Variants in MMP26 observed in about 807,000 individuals in gnomAD.
The protein encoded by MMP26 is matrix metalloproteinase-26.
In MMP26, 33 loss-of-function variants were observed where a neutral mutation model predicts 31.0. The observed-to-expected ratio is 1.06, with a 90% confidence interval of 0.81 to 1.42. The LOEUF (loss-of-function observed/expected upper bound fraction) is 1.42, where lower values mean the gene tolerates loss of function less well. Among genes scored for constraint, MMP26 ranks in the 40% most tolerant of loss-of-function variants. The pLI, the probability that MMP26 is intolerant of heterozygous loss-of-function variation, is 0.00. For missense variants in MMP26, 347 were observed against 316.1 expected (o/e 1.10, Z -0.74); for synonymous variants, 122 against 114.9 (o/e 1.06, Z -0.40).
intron 1 of MMP26, among the ~76,000 whole-genome samples, chr11:4,733,315 A>G (rs780047511): frequency 7.9e-5 from 12 of 152,196 alleles, no homozygotes; most frequent in Non-Finnish European, 1.6e-4. Flanking sequence ...TACATTTATA[A>G]CACGTTGTTC....
intron 2 of MMP26, among the ~76,000 whole-genome samples, chr11:4,827,234 G>A (rs1303577945): frequency 6.6e-6 from 1 of 152,152 alleles, no homozygotes. Context: ...ATCCTGGAGA[G>A]CTTGTAGGTT....
chr11:4,974,321 T>C (rs1384218714), intron 2 of MMP26, among the ~76,000 whole-genome samples: 1 of 151,752 alleles, frequency 6.6e-6, no homozygotes, highest in Admixed American at 6.6e-5. Flanking sequence ...AAAATTTTGT[T>C]AAAAATTTGT....
chr11:4,927,598 T>C (rs890069790), intron 2 of MMP26, among the ~76,000 whole-genome samples: 1 of 152,124 alleles, frequency 6.6e-6, no homozygotes, highest in Non-Finnish European at 1.5e-5. Flanking sequence ...GTGTTCTGAC[T>C]GTTTTCTATG....
At chr11:4,727,347 T>A (rs1008446640) in intron 1 of MMP26, among the ~76,000 whole-genome samples, 2 of 152,174 alleles carry the variant, frequency 1.3e-5, no homozygotes, top group Non-Finnish European at 2.9e-5. Context: ...CATCACATGG[T>A]CTGTTTAATA....
At chr11:4,802,444 T>G (rs973908765) in intron 2 of MMP26, among the ~76,000 whole-genome samples, 1 of 152,178 alleles carries the variant, frequency 6.6e-6, no homozygotes, top group African/African-American at 2.4e-5. Context: ...ACAATATCCT[T>G]TACAATTTTA....
At chr11:4,784,583 C>A (rs1022959302) in intron 2 of MMP26, among the ~76,000 whole-genome samples, 3 of 152,152 alleles carry the variant, frequency 2.0e-5, no homozygotes, top group African/African-American at 7.2e-5. Flanking sequence ...CATCATGTAG[C>A]CACATGCCAA....
chr11:4,822,839 T>C (rs1022544850), intron 2 of MMP26, among the ~76,000 whole-genome samples: 3 of 152,144 alleles, frequency 2.0e-5, no homozygotes, highest in East Asian at 1.9e-4. Flanking sequence ...TAATTCCACA[T>C]TGGGTCTTAT....
intron 5 of MMP26, 24 bp from the exon 6 acceptor site, chr11:4,991,347 G>T: frequency 1.2e-6 from 2 of 1,606,720 alleles, no homozygotes; most frequent in South Asian, 2.2e-5. Flanking sequence ...CCCTCATTGT[G>T]ATCATAGCTT....
In MMP26 at chr11:4,782,257, C is replaced by T. The variant is rs188794249; in HGVS notation, c.-145+14916C>T. 4.6e-5 allele frequency among the ~76,000 whole-genome samples: 7 copies of T among 152,162 alleles called. No individual in the cohort carries two copies. In the East Asian group the frequency reaches 7.7e-4, roughly 17 times the overall value. Reference sequence around the variant, plus strand: ...TTTGACAAAAATGCTGATAATGATACGGACAATGAAACCCAGGCTGAGGTG... The same window carrying T: ...TTTGACAAAAATGCTGATAATGATATGGACAATGAAACCCAGGCTGAGGTG... On this transcript the variant is annotated intron_variant, in intron 2 of 7. Coordinates refer to ENST00000380390, the MANE Select transcript of MMP26 (RefSeq NM_021801.5).
intron 1 of MMP26, among the ~76,000 whole-genome samples, chr11:4,760,269 A>C (rs141677585): frequency 6.6e-6 from 1 of 152,342 alleles, no homozygotes; most frequent in East Asian, 1.9e-4. Flanking sequence ...CCATGGATTC[A>C]TTTAATTAAT....
At chr11:4,812,282 T>A (rs899054321) in intron 2 of MMP26, among the ~76,000 whole-genome samples, 3 of 152,302 alleles carry the variant, frequency 2.0e-5, no homozygotes, top group East Asian at 1.9e-4. Flanking sequence ...GTATATAATA[T>A]GTAACATAAA....
intron 2 of MMP26, among the ~76,000 whole-genome samples, chr11:4,820,693 G>A (rs1849484404): frequency 6.6e-6 from 1 of 151,632 alleles, no homozygotes; most frequent in Non-Finnish European, 1.5e-5. Context: ...TCTTACTTTT[G>A]TGGTTTCTCT....
intron 2 of MMP26, among the ~76,000 whole-genome samples, chr11:4,931,833 G>C (rs1435531218): frequency 6.6e-6 from 1 of 151,896 alleles, no homozygotes; most frequent in African/African-American, 2.4e-5. Flanking sequence ...ACATATAGGA[G>C]GCTTTATGTC....
intron 2 of MMP26, among the ~76,000 whole-genome samples, chr11:4,863,036 A>G (rs1283222738): frequency 6.6e-6 from 1 of 152,152 alleles, no homozygotes; most frequent in Non-Finnish European, 1.5e-5. Flanking sequence ...TTCAGGTGGA[A>G]ATGACCAGCT....
intron 2 of MMP26, among the ~76,000 whole-genome samples, chr11:4,962,747 G>T (rs1006623503): frequency 1.3e-4 from 20 of 152,118 alleles, no homozygotes; most frequent in Admixed American, 1.3e-3. Context: ...ATACATTGTT[G>T]GACTTTTTGA....
intron 2 of MMP26, among the ~76,000 whole-genome samples, chr11:4,867,982 G>A (rs1329118372): frequency 1.3e-5 from 2 of 152,082 alleles, no homozygotes; most frequent in African/African-American, 2.4e-5. Context: ...GCAAAGACAT[G>A]AAGTCAACCT....
rs139052698 is a variant in MMP26 at position 4,807,700 on chromosome 11, T to C, written c.-145+40359T>C. Among the ~76,000 whole-genome samples, 1,424 of 152,286 alleles carry C rather than the reference T, an allele frequency of 9.4e-3. 68 individuals carry two copies. The East Asian group carries it at 0.12, about 13-fold the overall frequency. ...AGTTGATGGGTTCAGCAAACCAACGTGGCACATGTATACATATGTAACAAA... is the reference window on the plus strand; with the variant it reads ...AGTTGATGGGTTCAGCAAACCAACGCGGCACATGTATACATATGTAACAAA... On this transcript the variant is annotated intron_variant, in intron 2 of 7. Coordinates refer to ENST00000380390, the MANE Select transcript of MMP26 (RefSeq NM_021801.5).
rs77092982 is a variant in MMP26 at position 4,951,796 on chromosome 11, G to A, written c.-144-36272G>A. 6.7e-3 allele frequency among the ~76,000 whole-genome samples: 830 copies of A among 124,082 alleles called. 159 individuals are homozygous for A. The highest frequency in any genetic ancestry group is 0.022 in the African/African-American group (812 of 36,670). 81.4% of individuals were successfully genotyped at this position (124,082 alleles called of 152,430 possible). A position where few individuals can be genotyped will look rare whatever the true frequency, so the allele number is the denominator to read the frequency against. ...CTATTAAACATTTTTCTTTTAAGTG[G>A]ATCTGAGAGTGACAGTTCTCTCTCC... is the stretch of plus-strand genomic sequence containing the variant. On this transcript the variant is annotated intron_variant, in intron 2 of 7. Coordinates refer to ENST00000380390, the MANE Select transcript of MMP26 (RefSeq NM_021801.5).
chr11:4,987,971 C>T lies in MMP26; in HGVS notation c.-144-97C>T, dbSNP rs191034858. On this transcript the variant is annotated intron_variant, in intron 2 of 7. Coordinates refer to ENST00000380390, the MANE Select transcript of MMP26 (RefSeq NM_021801.5). ...TATTTCCTTAACCAGGCCTGTGGCC[C>T]GGGATGCTGAGGACCATCAGGTGTG... 8.5e-4 allele frequency: 460 copies of T among 541,324 alleles called. 2 individuals are homozygous for T. Among genetic ancestry groups the T allele is most frequent in the South Asian group, 3.6e-3 (171 of 46,860 alleles). The allele number at this position is 541,324 out of a possible 1,614,324, so 33.5% of individuals were successfully genotyped here.
Sources: allele counts gnomAD v4.1 joint callset (sites outside exome capture counted in the v4.1 genomes callset), GRCh38; gene constraint gnomAD v4.1.1; transcripts MANE v1.5; gene names NCBI Gene and HGNC (gene_info 2026-07-23, HGNC 2026-07-21).